Variants in PARD3B observed in about 807,000 individuals in gnomAD.
PARD3B encodes par-3 family cell polarity regulator beta.
In PARD3B, 103 loss-of-function variants were observed where a neutral mutation model predicts 130.2. The observed-to-expected ratio is 0.79, with a 90% CI of 0.67 to 0.93. The LOEUF (loss-of-function observed/expected upper bound fraction) is 0.93. PARD3B is among the 40% of genes least tolerant of loss of function. The pLI, the probability that PARD3B is intolerant of heterozygous loss-of-function variation, is 0.00. For missense variants in PARD3B, 1,609 were observed against 1,499.2 expected (o/e 1.07, Z -1.21); for synonymous variants, 583 against 553.2 (o/e 1.05, Z -0.76).
chr2:205,565,445 G>A (rs1463243453), intron 22 of PARD3B, among the ~76,000 whole-genome samples: 3 of 152,102 alleles, frequency 2.0e-5, no homozygotes, highest in South Asian at 2.1e-4. Context: ...TCAAAATCAG[G>A]TCCATATATA....
intron 22 of PARD3B, among the ~76,000 whole-genome samples, chr2:205,577,465 ATACTT>A (rs1651775242): frequency 6.6e-6 from 1 of 152,186 alleles, no homozygotes; most frequent in South Asian, 2.1e-4. Flanking sequence ...AAATGGGAAA[ATACTT>A]TAAATAATTC....
At chr2:204,596,631 C>T (rs1180405341) in intron 1 of PARD3B, among the ~76,000 whole-genome samples, 1 of 152,134 alleles carries the variant, frequency 6.6e-6, no homozygotes, top group African/African-American at 2.4e-5. Flanking sequence ...AATAATCTTT[C>T]ATGTAAGCTA....
chr2:204,969,882 A>G (rs1303156248), intron 3 of PARD3B, among the ~76,000 whole-genome samples: 1 of 152,050 alleles, frequency 6.6e-6, no homozygotes, highest in Non-Finnish European at 1.5e-5. Context: ...CATTTCAGAA[A>G]TGAGTTTGCT....
chr2:204,563,217 G>GTCTCTCTCTCTCTCTCTCCCTC (rs2031438113), intron 1 of PARD3B, among the ~76,000 whole-genome samples: 1 of 86,598 alleles, frequency 1.2e-5, no homozygotes, highest in African/African-American at 4.5e-5. Flanking sequence ...TCTTCCCGCT[G>GTCTCTCTCTCTCTCTCTCCCTC]TCTCTCTCTC....
At position 205,253,309 on chromosome 2, in the gene PARD3B, GC is replaced by G. The variant is rs1408382276; in HGVS notation, c.2185+7493del. 4 of 513,126 alleles carry G rather than the reference GC, an allele frequency of 7.8e-6. No homozygotes were observed. Among genetic ancestry groups the G allele is most frequent in the Non-Finnish European group, 4.0e-6 (1 of 252,892 alleles). The allele number at this position is 513,126 out of a possible 1,614,324, so 31.8% of individuals were successfully genotyped here. On this transcript the variant is annotated intron_variant, in intron 16 of 22. Transcript: ENST00000406610. This position sits in a 1 kb window ranked among gnomAD's most constrained non-coding sequence, Gnocchi z 4.4. ...ATGTATTAACACAAAGGCTCTGGCCGCCCCCCTACAAAGGAGGCCATGGAAC... is the reference window on the plus strand; with the variant it reads ...ATGTATTAACACAAAGGCTCTGGCCGCCCCCTACAAAGGAGGCCATGGAAC...
At chr2:205,245,122 G>C (rs1039272544) in intron 15 of PARD3B, among the ~76,000 whole-genome samples, 1 of 152,242 alleles carries the variant, frequency 6.6e-6, no homozygotes, top group African/African-American at 2.4e-5. Flanking sequence ...CCTCAAGCTG[G>C]GGCCATCACT....
intron 19 of PARD3B, among the ~76,000 whole-genome samples, chr2:205,418,353 A>T (rs55762703): frequency 1.4e-4 from 22 of 152,144 alleles, no homozygotes; most frequent in Non-Finnish European, 2.8e-4. Flanking sequence ...TTAATTGAGC[A>T]TCTAGGCACA....
intron 12 of PARD3B, among the ~76,000 whole-genome samples, chr2:205,174,077 G>T (rs1219871386): frequency 2.0e-5 from 3 of 152,224 alleles, no homozygotes; most frequent in Admixed American, 6.5e-5. Context: ...TTCTAAAAGA[G>T]TTAGTAGATG....
At chr2:205,215,159 G>A (rs61260715) in intron 15 of PARD3B, among the ~76,000 whole-genome samples, 24,379 of 151,886 alleles carry the variant, frequency 0.16, 2,272 homozygotes, top group African/African-American at 0.26. Flanking sequence ...AGAAATACTT[G>A]GAGAAGCTTA....
At chr2:204,931,619 G>T (rs561670423) in intron 2 of PARD3B, among the ~76,000 whole-genome samples, 3 of 150,462 alleles carry the variant, frequency 2.0e-5, no homozygotes, top group Admixed American at 6.6e-5. Context: ...TTCTCCTAAG[G>T]AAAAAAATAG....
chr2:205,539,108 T>C (rs992386413), intron 21 of PARD3B, among the ~76,000 whole-genome samples: 14 of 152,168 alleles, frequency 9.2e-5, no homozygotes, highest in Admixed American at 8.5e-4. Context: ...AATTAGAGAC[T>C]CTTCATGCAG....
At chr2:204,648,761 A>G (rs1395919493) in intron 1 of PARD3B, among the ~76,000 whole-genome samples, 1 of 18,694 alleles carries the variant, frequency 5.3e-5, no homozygotes, top group Non-Finnish European at 8.3e-5. Context: ...TTTATAATAG[A>G]TATCATATAA....
intron 4 of PARD3B, among the ~76,000 whole-genome samples, chr2:205,084,151 G>A (rs546286818): frequency 5.9e-5 from 9 of 152,160 alleles, no homozygotes; most frequent in South Asian, 2.1e-4. Flanking sequence ...GCACCTACAC[G>A]TTGCTTCTGT....
chr2:204,634,525 TTA>T (rs956649829), intron 1 of PARD3B, among the ~76,000 whole-genome samples: 2 of 152,184 alleles, frequency 1.3e-5, no homozygotes, highest in African/African-American at 4.8e-5. Flanking sequence ...TAATTCTCAT[TTA>T]TATATGAGTC....
intron 2 of PARD3B, among the ~76,000 whole-genome samples, chr2:204,935,344 A>G (rs942138269): frequency 4.1e-5 from 6 of 147,314 alleles, no homozygotes; most frequent in African/African-American, 7.4e-5. Flanking sequence ...CCTGGCTAAC[A>G]CGGTGAAACC....
chr2:205,443,746 A>G (rs2047807440), intron 20 of PARD3B, among the ~76,000 whole-genome samples: 1 of 152,176 alleles, frequency 6.6e-6, no homozygotes, highest in African/African-American at 2.4e-5. Flanking sequence ...AAGGAAAGTG[A>G]TAGGAAAAGT....
At chr2:205,195,251 A>G (rs1268870508) in intron 15 of PARD3B, among the ~76,000 whole-genome samples, 2 of 152,138 alleles carry the variant, frequency 1.3e-5, no homozygotes, top group African/African-American at 4.8e-5. Context: ...AGGTTTATTC[A>G]TTTTACAAAA....
intron 2 of PARD3B, among the ~76,000 whole-genome samples, chr2:204,802,688 G>T (rs1044404370): frequency 3.3e-5 from 5 of 152,120 alleles, no homozygotes; most frequent in African/African-American, 4.8e-5. Flanking sequence ...CATGTCCTTT[G>T]CAGGGACATG....
intron 15 of PARD3B, among the ~76,000 whole-genome samples, chr2:205,245,304 T>A (rs2039523171): frequency 6.6e-6 from 1 of 152,246 alleles, no homozygotes; most frequent in South Asian, 2.1e-4. Flanking sequence ...TTGTCTAGTT[T>A]TTAAAATTGT....
Sources: allele counts gnomAD v4.1 joint callset (sites outside exome capture counted in the v4.1 genomes callset), GRCh38; gene constraint gnomAD v4.1.1; non-coding constraint Gnocchi (gnomAD v3.1); transcripts MANE v1.5; gene names NCBI Gene and HGNC (gene_info 2026-07-23, HGNC 2026-07-21).